The following PTP4A3 variants were observed in gnomAD, a reference collection of about 807,000 sequenced individuals.
PTP4A3 encodes protein tyrosine phosphatase type IVA 3.
Under a neutral mutation model 15.2 loss-of-function variants are expected in PTP4A3, and 9 were observed. The ratio of observed to expected loss-of-function variants is 0.59; its 90% CI spans 0.36 to 1.03. The LOEUF (loss-of-function observed/expected upper bound fraction) is 1.03. PTP4A3 is among the 50% of genes least tolerant of loss of function. The pLI is 0.02. For missense variants in PTP4A3, 234 were observed against 252.1 expected, an observed-to-expected ratio of 0.93 and a Z score of 0.49; for synonymous variants, 95 against 102.0, an observed-to-expected ratio of 0.93 and a Z score of 0.41.
intron 1 of PTP4A3, among the ~76,000 whole-genome samples, chr8:141,400,294 C>T (rs1832559254): frequency 6.8e-6 from 1 of 147,708 alleles, no homozygotes; most frequent in South Asian, 2.1e-4. Context: ...TGTGCCCGGC[C>T]CACCACTGTG....
intron 5 of PTP4A3, 125 bp downstream of exon 5, chr8:141,427,949 C>A: frequency 1.1e-6 from 1 of 925,864 alleles, no homozygotes; most frequent in Non-Finnish European, 1.6e-6. Flanking sequence ...TCAGCACAAG[C>A]TGGGCCTTGC....
At chr8:141,415,876 T>G (rs1586552055) in intron 1 of PTP4A3, among the ~76,000 whole-genome samples, 1 of 151,260 alleles carries the variant, frequency 6.6e-6, no homozygotes, top group East Asian at 2.0e-4. Context: ...CGGGAAGGCG[T>G]CCTAGTGCAT....
intron 1 of PTP4A3, among the ~76,000 whole-genome samples, chr8:141,412,031 G>A (rs1263558715): frequency 6.6e-6 from 1 of 151,998 alleles, no homozygotes; most frequent in Non-Finnish European, 1.5e-5. Flanking sequence ...CCTGTGCTGA[G>A]GGCACCACGC....
chr8:141,394,730 C>G (rs933210627), intron 1 of PTP4A3, among the ~76,000 whole-genome samples: 15 of 152,226 alleles, frequency 9.9e-5, no homozygotes, highest in Non-Finnish European at 2.2e-4. Context: ...CTGACCTGGA[C>G]CGGCTCGCAG....
chr8:141,430,895 G>A (rs1389164328), intron 5 of PTP4A3, 32 bp from the exon 6 acceptor site: 2 of 1,607,850 alleles, frequency 1.2e-6, no homozygotes, highest in Admixed American at 1.7e-5. Context: ...CAGGTCCTTG[G>A]ATGATCTCTG....
At chr8:141,411,834 G>A (rs1174555226) in intron 1 of PTP4A3, among the ~76,000 whole-genome samples, 1 of 147,958 alleles carries the variant, frequency 6.8e-6, no homozygotes, top group Non-Finnish European at 1.5e-5. Flanking sequence ...GGGCTGACAT[G>A]GAGTGTAGGG....
intron 1 of PTP4A3, among the ~76,000 whole-genome samples, chr8:141,402,132 GA>G (rs1832609631): frequency 6.6e-6 from 1 of 152,170 alleles, no homozygotes; most frequent in South Asian, 2.1e-4. Flanking sequence ...GCAGCCTCTA[GA>G]AACATTGGAG....
At chr8:141,416,819 T>A (rs1224789827) in intron 1 of PTP4A3, among the ~76,000 whole-genome samples, 1 of 150,932 alleles carries the variant, frequency 6.6e-6, no homozygotes, top group Non-Finnish European at 1.5e-5. Context: ...CTGATGGTGA[T>A]GTTTTCTGGA....
At chr8:141,427,943 C>A in intron 5 of PTP4A3, 119 bp downstream of exon 5, 1 of 998,520 alleles carries the variant, frequency 1.0e-6, no homozygotes, top group Non-Finnish European at 1.5e-6. Flanking sequence ...CGTCGATCAG[C>A]ACAAGCTGGG....
intron 1 of PTP4A3, among the ~76,000 whole-genome samples, chr8:141,403,247 C>T (rs780976310): frequency 2.6e-4 from 40 of 152,330 alleles, no homozygotes; most frequent in Non-Finnish European, 4.4e-4. Flanking sequence ...GCAGCGGCCT[C>T]GCGCGGGGCC....
In PTP4A3 at chr8:141,418,893, C is replaced by A. The variant is rs575315513; in HGVS notation, c.-853-2495C>A. Among the ~76,000 whole-genome samples, 137 of 152,240 alleles carry A rather than the reference C, an allele frequency of 9.0e-4. 3 individuals carry two copies. The Middle Eastern group carries it at 0.02, about 23-fold the overall frequency. On this transcript the variant is annotated intron_variant, in intron 1 of 5. Transcript: ENST00000521578. ...CGTGTGGTTATGGAGGGGTTTTCTC[C>A]CTTGGGGGACAGCCACCAGGCAGGG...
At chr8:141,395,548 A>G (rs1832422742) in intron 1 of PTP4A3, among the ~76,000 whole-genome samples, 2 of 141,488 alleles carry the variant, frequency 1.4e-5, no homozygotes, top group Admixed American at 1.4e-4. Flanking sequence ...GCCATTGCCC[A>G]GTGCACCCCC....
At position 141,406,998 on chromosome 8, in the gene PTP4A3, G is replaced by T. The variant is rs1832746647; in HGVS notation, c.-853-14390G>T. Among the ~76,000 whole-genome samples, 1 of 152,186 alleles carries T rather than the reference G, an allele frequency of 6.6e-6. No individual in the cohort carries two copies. The highest frequency in any genetic ancestry group is 1.5e-5 in the Non-Finnish European group (1 of 68,036). ...TTCTGGATTCTCTCCAGGGGAGGAG[G>T]TCAGGCCCTTGGGAGGTACCCTTTG... On this transcript the variant is annotated intron_variant, in intron 1 of 5. Transcript: ENST00000521578. The surrounding 1 kb of genome is among the most constrained non-coding windows in gnomAD (Gnocchi z 4.5).
intron 5 of PTP4A3, among the ~76,000 whole-genome samples, chr8:141,428,416 G>A (rs1051453815): frequency 1.3e-5 from 2 of 152,168 alleles, no homozygotes; most frequent in Non-Finnish European, 2.9e-5. Context: ...GAGTCTGGCC[G>A]GGATGGCAGG....
chr8:141,412,569 T>C (rs1372127045), intron 1 of PTP4A3, among the ~76,000 whole-genome samples: 3 of 152,196 alleles, frequency 2.0e-5, no homozygotes, highest in African/African-American at 7.2e-5. Context: ...GGAGGAGCCA[T>C]GGCCTCTTCT....
intron 1 of PTP4A3, among the ~76,000 whole-genome samples, chr8:141,393,327 G>A (rs1832345981): frequency 2.0e-5 from 3 of 152,216 alleles, no homozygotes; most frequent in Non-Finnish European, 2.9e-5. Context: ...TGTCACCTGA[G>A]TGGAATTAGG....
chr8:141,424,300 C>T (rs990681025), intron 2 of PTP4A3, among the ~76,000 whole-genome samples: 2 of 152,190 alleles, frequency 1.3e-5, no homozygotes, highest in Non-Finnish European at 1.5e-5. Context: ...GGAGTGGATC[C>T]TCCGCAGTGG....
rs562862347 is a variant in PTP4A3 at position 141,399,876 on chromosome 8, C to T, written c.-854+7792C>T. 1.6e-3 allele frequency among the ~76,000 whole-genome samples: 247 copies of T among 152,306 alleles called. 4 individuals are homozygous for T. The highest frequency in any genetic ancestry group is 6.8e-3 in the Middle Eastern group (2 of 294). ...ACAAGGAGCTCACATGGGGGAGAGGCGACATTTGAACAACGCTTCAAACAT... is the reference window on the plus strand; with the variant it reads ...ACAAGGAGCTCACATGGGGGAGAGGTGACATTTGAACAACGCTTCAAACAT... On this transcript the variant is annotated intron_variant, in intron 1 of 5. Coordinates refer to ENST00000521578, the MANE Select transcript of PTP4A3 (RefSeq NM_032611.3).
rs1459865099 is a variant in PTP4A3 at position 141,406,922 on chromosome 8, C to T, written c.-853-14466C>T. On this transcript the variant is annotated intron_variant, in intron 1 of 5. Coordinates refer to ENST00000521578, the MANE Select transcript of PTP4A3 (RefSeq NM_032611.3). This position sits in a 1 kb window ranked among gnomAD's most constrained non-coding sequence, Gnocchi z 4.5. The stretch of plus-strand genomic sequence containing the variant: ...TATGCTTTGAACTTCCAAAAATGCG[C>T]TCAGAAATCTTTCCTGTCCTCTAGG... Among the ~76,000 whole-genome samples the T allele has an allele frequency of 1.3e-5, 2 of 152,214 alleles. No individual in the cohort carries two copies. The highest frequency in any genetic ancestry group is 6.5e-5 in the Admixed American group (1 of 15,288).
Sources: gnomAD v4.1 joint callset for allele counts (sites outside exome capture counted in the v4.1 genomes callset) on GRCh38, gnomAD v4.1.1 for gene constraint, Gnocchi (gnomAD v3.1) non-coding constraint, MANE v1.5 for transcripts, NCBI Gene and HGNC (gene_info 2026-07-23, HGNC 2026-07-21) for gene names.